Variants in PCDH11X observed in about 807,000 individuals in gnomAD.
PCDH11X encodes protocadherin-11 X-linked.
In PCDH11X, 18 loss-of-function variants were observed where a neutral mutation model predicts 53.3. The observed-to-expected ratio is 0.34, with a 90% confidence interval of 0.23 to 0.50. The LOEUF (loss-of-function observed/expected upper bound fraction) is 0.50, where lower values mean the gene tolerates loss of function less well. Among genes scored for constraint, PCDH11X ranks in the 20% least tolerant of loss-of-function variants. PCDH11X has a pLI of 0.98. For missense variants in PCDH11X, 570 were observed against 1,032.4 expected (o/e 0.55, Z 6.14); for synonymous variants, 279 against 393.3 (o/e 0.71, Z 3.44).
At chrX:91,825,562 T>A (rs1357748008) in intron 4 of PCDH11X, among the ~76,000 whole-genome samples, 2 of 111,257 alleles carry the variant, frequency 1.8e-5, no homozygotes, top group African/African-American at 6.6e-5. Flanking sequence ...CCCACTGACC[T>A]GCGCCCACTG....
intron 6 of PCDH11X, among the ~76,000 whole-genome samples, chrX:91,953,140 A>G (rs1569273836): frequency 2.7e-5 from 3 of 109,723 alleles, no homozygotes; most frequent in African/African-American, 1.0e-4. Flanking sequence ...TGATAACACA[A>G]TAGGTTGACT....
At chrX:91,863,553 G>A in intron 5 of PCDH11X, among the ~76,000 whole-genome samples, 1 of 111,310 alleles carries the variant, frequency 9.0e-6, no homozygotes, top group Middle Eastern at 4.7e-3. Context: ...CATCCATTTA[G>A]CCATTCTTTG....
At chrX:92,603,054 G>A (rs1440086215) in intron 10 of PCDH11X, among the ~76,000 whole-genome samples, 3 of 106,822 alleles carry the variant, frequency 2.8e-5, no homozygotes, top group Admixed American at 1.0e-4. Flanking sequence ...ATCAAATACA[G>A]AGTATCAATA....
At chrX:92,609,450 T>C (rs1014307824) in intron 10 of PCDH11X, among the ~76,000 whole-genome samples, 5 of 111,536 alleles carry the variant, frequency 4.5e-5, no homozygotes, top group Admixed American at 1.9e-4. Flanking sequence ...ATCACTCAAA[T>C]AGAATGGTAT....
At chrX:92,519,862 A>G (rs1455928991) in intron 10 of PCDH11X, among the ~76,000 whole-genome samples, 1 of 109,308 alleles carries the variant, frequency 9.1e-6, no homozygotes, top group Non-Finnish European at 1.9e-5. Context: ...CTGACCAAAG[A>G]TAACAATAGT....
intron 7 of PCDH11X, among the ~76,000 whole-genome samples, chrX:92,226,467 A>T (rs1236276359): frequency 8.9e-6 from 1 of 111,818 alleles, no homozygotes; most frequent in African/African-American, 3.3e-5. Context: ...GCTATGACCC[A>T]TAATCAAACA....
chrX:92,514,407 T>C (rs1324151061), intron 10 of PCDH11X, among the ~76,000 whole-genome samples: 1 of 107,439 alleles, frequency 9.3e-6, no homozygotes, highest in Non-Finnish European at 1.9e-5. Context: ...TTAGGGCATC[T>C]GGCTTAACAG....
intron 5 of PCDH11X, among the ~76,000 whole-genome samples, chrX:91,856,923 T>C (rs1420578467): frequency 8.9e-6 from 1 of 112,011 alleles, no homozygotes; most frequent in Non-Finnish European, 1.9e-5. Context: ...CATGTGCATG[T>C]ATCTGTATCG....
At chrX:91,816,131 AC>A (rs953641741) in intron 4 of PCDH11X, among the ~76,000 whole-genome samples, 4 of 109,991 alleles carry the variant, frequency 3.6e-5, no homozygotes, top group Non-Finnish European at 5.7e-5. Context: ...CAGTCCCCAC[AC>A]CCCCCCAAAA....
intron 8 of PCDH11X, among the ~76,000 whole-genome samples, chrX:92,321,993 GC>G (rs778923888): frequency 3.2e-4 from 34 of 106,451 alleles, no homozygotes; most frequent in Non-Finnish European, 6.2e-4. Context: ...TATTTTTAAA[GC>G]TTTTCCAGCA....
intron 7 of PCDH11X, among the ~76,000 whole-genome samples, chrX:92,259,811 T>TA (rs2067676103): frequency 9.0e-6 from 1 of 111,068 alleles, no homozygotes; most frequent in Admixed American, 9.6e-5. Context: ...TAGTAGGTGA[T>TA]AAAAACTGCC....
At chrX:92,120,155 CTTTTTTTTT>C (rs764997941) in intron 6 of PCDH11X, among the ~76,000 whole-genome samples, 8 of 60,694 alleles carry the variant, frequency 1.3e-4, no homozygotes, top group East Asian at 4.7e-4. Flanking sequence ...ACTTTTCTTT[CTTTTTTTTT>C]TTTTTTTTTT....
At chrX:91,829,997 G>A (rs1937055330) in intron 4 of PCDH11X, among the ~76,000 whole-genome samples, 1 of 110,820 alleles carries the variant, frequency 9.0e-6, no homozygotes, top group Admixed American at 9.6e-5. Context: ...GGCAATAGAA[G>A]AATGTGTGAT....
chrX:92,547,451 G>A (rs974286227), intron 10 of PCDH11X, among the ~76,000 whole-genome samples: 1 of 109,424 alleles, frequency 9.1e-6, no homozygotes, highest in Non-Finnish European at 1.9e-5. Flanking sequence ...GTTTCTAAGG[G>A]AAGATTAAAT....
At chrX:92,359,752 A>G (rs929445398) in intron 8 of PCDH11X, among the ~76,000 whole-genome samples, 11 of 110,695 alleles carry the variant, frequency 9.9e-5, no homozygotes, top group Non-Finnish European at 1.5e-4. Flanking sequence ...AGCAAACACC[A>G]CTATTACCTA....
chrX:92,515,622 A>C (rs2074256560), intron 10 of PCDH11X: 1 of 118,479 alleles, frequency 8.4e-6, no homozygotes, highest in Non-Finnish European at 1.8e-5. Context: ...GATAAGAAAA[A>C]TGTATCTGTG....
chrX:91,899,745 AG>A (rs954160228), intron 6 of PCDH11X, among the ~76,000 whole-genome samples: 1 of 111,445 alleles, frequency 9.0e-6, no homozygotes, highest in Non-Finnish European at 1.9e-5. Flanking sequence ...CACATGATAA[AG>A]AAAAAAGAAA....
At chrX:92,306,724 A>G (rs12849978) in intron 8 of PCDH11X, among the ~76,000 whole-genome samples, 2 of 110,673 alleles carry the variant, frequency 1.8e-5, no homozygotes, top group Non-Finnish European at 3.8e-5. Flanking sequence ...GGCAGATCAC[A>G]AGGTCAGGAG....
chrX:91,845,481 A>C (rs1434658862), intron 5 of PCDH11X, among the ~76,000 whole-genome samples: 2 of 108,621 alleles, frequency 1.8e-5, no homozygotes, highest in East Asian at 5.8e-4. Flanking sequence ...TGAAGAAGTA[A>C]CAATGACCAT....
Sources: allele counts gnomAD v4.1 joint callset (sites outside exome capture counted in the v4.1 genomes callset), GRCh38; gene constraint gnomAD v4.1.1; transcripts MANE v1.5; gene names NCBI Gene and HGNC (gene_info 2026-07-23, HGNC 2026-07-21).